IMMP1L: variants seen among roughly 807,000 people sequenced by gnomAD.
IMMP1L encodes mitochondrial inner membrane protease subunit 1.
In IMMP1L, 24 loss-of-function variants were observed where a neutral mutation model predicts 21.8. The ratio of observed to expected loss-of-function variants is 1.10; its 90% CI spans 0.80 to 1.55. The LOEUF (loss-of-function observed/expected upper bound fraction) is 1.55, where lower values mean the gene tolerates loss of function less well. Among genes scored for constraint, IMMP1L ranks in the 40% most tolerant of loss-of-function variants. The probability of loss-of-function intolerance (pLI) is 0.00; values close to 1 mark genes in which losing one functional copy is unlikely to be tolerated. For synonymous variants in IMMP1L, 46 were observed against 62.8 expected (o/e 0.73, Z 1.26); for missense variants, 195 against 200.7 (o/e 0.97, Z 0.17).
At chr11:31,495,178 A>G (rs1955392142) in intron 1 of IMMP1L, among the ~76,000 whole-genome samples, 1 of 152,230 alleles carries the variant, frequency 6.6e-6, no homozygotes, top group African/African-American at 2.4e-5. Flanking sequence ...TTCATTGTCC[A>G]TATCACTATC....
At chr11:31,451,473 A>G (rs1006591537) in intron 4 of IMMP1L, among the ~76,000 whole-genome samples, 5 of 152,226 alleles carry the variant, frequency 3.3e-5, no homozygotes, top group African/African-American at 1.2e-4. Context: ...AGGTATAATC[A>G]TGATTTGCTA....
intron 4 of IMMP1L, 46 bp downstream of exon 4, chr11:31,456,214 T>C: frequency 7.2e-7 from 1 of 1,386,196 alleles, no homozygotes; most frequent in Non-Finnish European, 1.0e-6. Context: ...CAGTTAATGT[T>C]AATCAATTAT....
In IMMP1L at chr11:31,508,187, G is replaced by A. The variant is rs547109998; in HGVS notation, c.-30+1332C>T. Reference sequence around the variant, plus strand: ...GTTGAAGAAAAAAAAAATTCAAGACGTTTCTATCTGATATTGGACTGCTTT... The same window carrying A: ...GTTGAAGAAAAAAAAAATTCAAGACATTTCTATCTGATATTGGACTGCTTT... On this transcript the variant is annotated intron_variant, in intron 1 of 5. Transcript: ENST00000532287. Among the ~76,000 whole-genome samples the A allele has an allele frequency of 1.2e-4, 18 of 152,150 alleles. No individual in the cohort carries two copies. In the South Asian group the frequency reaches 3.7e-3, roughly 32 times the overall value.
At chr11:31,452,665 A>C in intron 4 of IMMP1L, 1 of 987,766 alleles carries the variant, frequency 1.0e-6, no homozygotes, top group Non-Finnish European at 1.2e-6. Context: ...TCTTTACAGT[A>C]GCCAATGCTC....
chr11:31,483,727 G>A (rs1235706566), intron 1 of IMMP1L, among the ~76,000 whole-genome samples: 2 of 151,802 alleles, frequency 1.3e-5, no homozygotes, highest in Non-Finnish European at 2.9e-5. Context: ...AATTTCATAA[G>A]CGTTAGTTTG....
intron 1 of IMMP1L, among the ~76,000 whole-genome samples, chr11:31,506,658 T>TAAAA (rs775050688): frequency 1.6e-5 from 2 of 125,216 alleles, no homozygotes; most frequent in East Asian, 2.2e-4. Context: ...TTATCTTTGT[T>TAAAA]AAAAAAAAAA....
intron 4 of IMMP1L, among the ~76,000 whole-genome samples, chr11:31,445,956 T>A (rs1953504329): frequency 6.6e-6 from 1 of 152,180 alleles, no homozygotes; most frequent in Non-Finnish European, 1.5e-5. Flanking sequence ...CCAGATGTCA[T>A]CTGGGGAAAG....
chr11:31,501,256 T>C (rs1178984857), intron 1 of IMMP1L, among the ~76,000 whole-genome samples: 1 of 152,186 alleles, frequency 6.6e-6, no homozygotes, highest in Admixed American at 6.5e-5. Flanking sequence ...AGTGCTACAG[T>C]CTGAATGTGT....
chr11:31,453,622 A>C (rs1418425066), intron 4 of IMMP1L, among the ~76,000 whole-genome samples: 1 of 152,168 alleles, frequency 6.6e-6, no homozygotes, highest in Non-Finnish European at 1.5e-5. Flanking sequence ...CTTGGATGAA[A>C]TTTTGTTATA....
chr11:31,499,783 C>T lies in IMMP1L; in HGVS notation c.-30+9736G>A, dbSNP rs1241651023. On this transcript the variant is annotated intron_variant, in intron 1 of 5. Transcript: ENST00000532287. Reference sequence around the variant, plus strand: ...GGAAGAGTTAAGAGGTCATATTACCCGCAAAACCTAAAATATTTACCATCT... The same window carrying T: ...GGAAGAGTTAAGAGGTCATATTACCTGCAAAACCTAAAATATTTACCATCT... Among the ~76,000 whole-genome samples, 6 of 151,804 alleles carry T rather than the reference C, an allele frequency of 4.0e-5. No homozygotes were observed. The South Asian group carries it at 6.2e-4, about 16-fold the overall frequency.
rs926950300 is a variant in IMMP1L at position 31,489,806 on chromosome 11, G to C, written c.-30+19713C>G. Among the ~76,000 whole-genome samples, 14 of 151,620 alleles carry C rather than the reference G, an allele frequency of 9.2e-5. 1 individual carries two copies. The highest frequency in any genetic ancestry group is 3.2e-4 in the African/African-American group (13 of 41,238). On this transcript the variant is annotated intron_variant, in intron 1 of 5. Coordinates refer to ENST00000532287, the MANE Select transcript of IMMP1L (RefSeq NM_001304274.2). ...AAATGAGTTTTCTCCTGTAACAATA[G>C]TCTGTTTAAATATATCGTTTCATCC...
chr11:31,475,414 T>C (rs568399502), intron 1 of IMMP1L, among the ~76,000 whole-genome samples: 6 of 152,326 alleles, frequency 3.9e-5, no homozygotes, highest in African/African-American at 1.4e-4. Flanking sequence ...TAACCCTCAC[T>C]GTGCCACAGT....
intron 1 of IMMP1L, among the ~76,000 whole-genome samples, chr11:31,481,558 G>T (rs1012966285): frequency 6.6e-6 from 1 of 151,688 alleles, no homozygotes; most frequent in Admixed American, 6.6e-5. Flanking sequence ...TAATCATGAA[G>T]TTAATAATAT....
At chr11:31,502,277 A>C (rs1955646108) in intron 1 of IMMP1L, among the ~76,000 whole-genome samples, 1 of 152,204 alleles carries the variant, frequency 6.6e-6, no homozygotes, top group Non-Finnish European at 1.5e-5. Context: ...TATATAGAAC[A>C]AGAGCCATTA....
intron 4 of IMMP1L, among the ~76,000 whole-genome samples, chr11:31,450,183 T>C (rs1252368408): frequency 6.6e-6 from 1 of 152,214 alleles, no homozygotes; most frequent in Non-Finnish European, 1.5e-5. Flanking sequence ...ACAAATTATC[T>C]GTATAGTAGT....
chr11:31,448,598 T>C (rs1022123166), intron 4 of IMMP1L, among the ~76,000 whole-genome samples: 19 of 152,206 alleles, frequency 1.2e-4, no homozygotes, highest in African/African-American at 4.6e-4. Context: ...TTTATAACTT[T>C]TGAGTGGTTA....
At chr11:31,473,113 G>T (rs912901815) in intron 1 of IMMP1L, among the ~76,000 whole-genome samples, 10 of 151,252 alleles carry the variant, frequency 6.6e-5, no homozygotes, top group South Asian at 2.1e-4. Context: ...GTAGTGGCGC[G>T]ATCTTGGCTC....
chr11:31,454,449 CAAAAAAAA>C (rs71463320), intron 4 of IMMP1L, among the ~76,000 whole-genome samples: 1 of 30,406 alleles, frequency 3.3e-5, no homozygotes, highest in East Asian at 1.3e-3. Flanking sequence ...AAGACCATGT[CAAAAAAAA>C]AAAAAAAAAA....
At chr11:31,495,385 C>T (rs1379864197) in intron 1 of IMMP1L, among the ~76,000 whole-genome samples, 2 of 152,190 alleles carry the variant, frequency 1.3e-5, no homozygotes, top group Non-Finnish European at 2.9e-5. Context: ...TTTCAGGTAT[C>T]CTTATAGCAG....
Sources: allele counts gnomAD v4.1 joint callset (sites outside exome capture counted in the v4.1 genomes callset), GRCh38; gene constraint gnomAD v4.1.1; transcripts MANE v1.5; gene names NCBI Gene and HGNC (gene_info 2026-07-23, HGNC 2026-07-21).